GPC6: variants seen among roughly 807,000 people sequenced by gnomAD.
GPC6 encodes glypican 6.
Under a neutral mutation model 55.2 loss-of-function variants are expected in GPC6, and 14 were observed. The ratio of observed to expected loss-of-function variants is 0.25; its 90% CI spans 0.17 to 0.40. GPC6 has a LOEUF of 0.40. Ranked by LOEUF, GPC6 falls within the 10% of genes least tolerant of loss-of-function variation. The pLI, the probability that GPC6 is intolerant of heterozygous loss-of-function variation, is 1.00. For missense variants in GPC6, 641 were observed against 708.5 expected, an observed-to-expected ratio of 0.90 and a Z score of 1.08; for synonymous variants, 278 against 259.6, an observed-to-expected ratio of 1.07 and a Z score of -0.68.
At chr13:93,231,208 T>A (rs932880197) in intron 1 of GPC6, among the ~76,000 whole-genome samples, 3 of 151,138 alleles carry the variant, frequency 2.0e-5, no homozygotes, top group Admixed American at 2.0e-4. Context: ...ACCCAGGCAC[T>A]CTGACTCCAG....
chr13:93,257,964 C>T (rs1479983767), intron 1 of GPC6, among the ~76,000 whole-genome samples: 2 of 152,258 alleles, frequency 1.3e-5, no homozygotes, highest in Middle Eastern at 3.4e-3. Context: ...GGTATTGAGA[C>T]ACTTCTAGAA....
At chr13:93,673,492 G>A (rs998651340) in intron 2 of GPC6, among the ~76,000 whole-genome samples, 2 of 152,054 alleles carry the variant, frequency 1.3e-5, no homozygotes, top group South Asian at 2.1e-4. Context: ...CAGCCTGGAC[G>A]ACAAGAGTAT....
chr13:93,707,524 C>T (rs1202043824), intron 2 of GPC6, among the ~76,000 whole-genome samples: 1 of 151,690 alleles, frequency 6.6e-6, no homozygotes, highest in East Asian at 2.0e-4. Context: ...GTTTCTACCT[C>T]TTAAGAAATG....
At chr13:93,525,826 G>A (rs897173568) in intron 1 of GPC6, among the ~76,000 whole-genome samples, 2 of 152,020 alleles carry the variant, frequency 1.3e-5, no homozygotes, top group African/African-American at 4.8e-5. Flanking sequence ...AATGAGTAGA[G>A]AAATGTAAAG....
chr13:94,403,053 A>C lies in GPC6; in HGVS notation c.1504A>C (p.Met502Leu). The change falls in exon 9 of 9, where the codon ATG (methionine) becomes CTG (leucine). Residue 502 changes from methionine to leucine, a missense_variant. By Grantham distance (15) the Met-to-Leu change is conservative. Transcript: ENST00000377047. ...TGGCTCAGGGAGTGGCAGTGGGTGC[A>C]TGGATGACGTGTGTCCCACGGAGTT... Reference protein sequence around the residue: ...SSGSGSGSGCMDDVCPTEFEF... With the variant: ...SSGSGSGSGCLDDVCPTEFEF... 1 of 1,613,866 alleles carries C rather than the reference A, an allele frequency of 6.2e-7. No homozygotes were observed. The highest frequency in any genetic ancestry group is 1.3e-5 in the African/African-American group (1 of 75,048).
chr13:93,877,831 T>C (rs114442062), intron 3 of GPC6, among the ~76,000 whole-genome samples: 1,593 of 152,168 alleles, frequency 0.01, 28 homozygotes, highest in African/African-American at 0.036. Flanking sequence ...ATAAAATCCT[T>C]TTCGTTGATT....
At chr13:93,799,925 A>C (rs546654413) in intron 2 of GPC6, among the ~76,000 whole-genome samples, 7 of 152,176 alleles carry the variant, frequency 4.6e-5, no homozygotes, top group Non-Finnish European at 1.0e-4. Context: ...GTACATATTT[A>C]CAGAACATTT....
intron 3 of GPC6, among the ~76,000 whole-genome samples, chr13:93,850,905 T>C (rs1196455171): frequency 1.3e-5 from 2 of 151,952 alleles, no homozygotes; most frequent in East Asian, 3.9e-4. Flanking sequence ...AACTGAAGTA[T>C]AGTTTCAGGA....
At chr13:94,163,353 C>T (rs1005134462) in intron 4 of GPC6, among the ~76,000 whole-genome samples, 1 of 151,886 alleles carries the variant, frequency 6.6e-6, no homozygotes, top group Non-Finnish European at 1.5e-5. Context: ...CCTCCCTTGA[C>T]TCCCTGTAGG....
intron 3 of GPC6, among the ~76,000 whole-genome samples, chr13:93,960,881 C>T (rs1203853894): frequency 6.8e-6 from 1 of 147,796 alleles, no homozygotes. Context: ...GGCGCAATCT[C>T]GACTCACTGC....
intron 4 of GPC6, among the ~76,000 whole-genome samples, chr13:94,076,845 CT>C (rs879121544): frequency 6.6e-6 from 1 of 151,372 alleles, no homozygotes; most frequent in East Asian, 1.9e-4. Flanking sequence ...ATATGTCTGT[CT>C]TTATGCCAGT....
chr13:93,866,947 A>G (rs947523778), intron 3 of GPC6, among the ~76,000 whole-genome samples: 10 of 151,808 alleles, frequency 6.6e-5, no homozygotes, highest in South Asian at 2.1e-4. Context: ...CAAAAATTAA[A>G]GTTCAGAAAC....
At chr13:93,838,123 G>A (rs890605019) in intron 3 of GPC6, among the ~76,000 whole-genome samples, 1 of 152,174 alleles carries the variant, frequency 6.6e-6, no homozygotes, top group Admixed American at 6.6e-5. Context: ...CATGGGCTGA[G>A]CACCTACTAT....
intron 1 of GPC6, among the ~76,000 whole-genome samples, chr13:93,480,459 C>A (rs1879474308): frequency 6.6e-6 from 1 of 152,038 alleles, no homozygotes. Flanking sequence ...GGTAGGGGGA[C>A]AAGAACGTGA....
At chr13:93,978,097 G>A (rs1203474224) in intron 3 of GPC6, among the ~76,000 whole-genome samples, 1 of 152,164 alleles carries the variant, frequency 6.6e-6, no homozygotes, top group African/African-American at 2.4e-5. Flanking sequence ...AGGTCAGATG[G>A]TGTTATGTGA....
At position 93,564,174 on chromosome 13, in the gene GPC6, A is replaced by C. The variant is rs557007177; in HGVS notation, c.319+18753A>C. 2.3e-3 allele frequency among the ~76,000 whole-genome samples: 350 copies of C among 152,304 alleles called. 2 individuals are homozygous for C. The highest frequency in any genetic ancestry group is 7.9e-3 in the African/African-American group (328 of 41,582). ...TTAAGACTAAGGATGAAATAGTTAA[A>C]ACTTGTAAAGATTCTGTAAAACCTT... On this transcript the variant is annotated intron_variant, in intron 2 of 8. Coordinates refer to ENST00000377047, the MANE Select transcript of GPC6 (RefSeq NM_005708.5).
intron 2 of GPC6, among the ~76,000 whole-genome samples, chr13:93,748,571 G>A (rs910552418): frequency 3.3e-5 from 5 of 151,930 alleles, no homozygotes; most frequent in African/African-American, 1.2e-4. Context: ...GCCGTTTATG[G>A]CTTCATATGC....
intron 2 of GPC6, among the ~76,000 whole-genome samples, chr13:93,661,731 G>T (rs182561585): frequency 6.6e-6 from 1 of 152,264 alleles, no homozygotes; most frequent in African/African-American, 2.4e-5. Context: ...ATCAAATTTT[G>T]TGAGTGGCAT....
rs147168750 is a variant in GPC6 at position 93,330,663 on chromosome 13, C to T, written c.160+103047C>T. Among the ~76,000 whole-genome samples, 807 of 152,254 alleles carry T rather than the reference C, an allele frequency of 5.3e-3. 10 individuals carry two copies. The highest frequency in any genetic ancestry group is 0.019 in the African/African-American group (770 of 41,546). On this transcript the variant is annotated intron_variant, in intron 1 of 8. Coordinates refer to ENST00000377047, the MANE Select transcript of GPC6 (RefSeq NM_005708.5). ...CATGCATCATTTTCTCACTTGCGTA[C>T]CCCAGCTCCTTTCTTCCCAACAGTG...
Sources: gnomAD v4.1 joint callset for allele counts (sites outside exome capture counted in the v4.1 genomes callset) on GRCh38, gnomAD v4.1.1 for gene constraint, MANE v1.5 for transcripts, NCBI Gene and HGNC (gene_info 2026-07-23, HGNC 2026-07-21) for gene names.